Variants in LMNA observed in about 807,000 individuals in gnomAD.
LMNA encodes lamin.
Under a neutral mutation model 70.4 loss-of-function variants are expected in LMNA, and 20 were observed. The observed-to-expected ratio is 0.28, with a 90% confidence interval of 0.20 to 0.41. LMNA has a LOEUF of 0.41. Among genes scored for constraint, LMNA ranks in the 10% least tolerant of loss-of-function variants. The probability of loss-of-function intolerance (pLI) is 1.00; values close to 1 mark genes in which losing one functional copy is unlikely to be tolerated. For synonymous variants in LMNA, 339 were observed against 372.8 expected (o/e 0.91, Z 1.04); for missense variants, 652 against 917.2 (o/e 0.71, Z 3.73).
rs1572365335 is a variant in LMNA at position 156,136,855 on chromosome 1, G to C, written c.1381-66G>C. On this transcript the variant is annotated intron_variant, in intron 7 of 11. Transcript: ENST00000368300. This position sits in a 1 kb window ranked among gnomAD's most constrained non-coding sequence, Gnocchi z 6.1. ...CAGGCAGGCAGAGGGCTGGGCCTTT[G>C]AGCAAGATACACCCAAGAGCCTGGG... The C allele has an allele frequency of 2.9e-6, 4 of 1,384,162 alleles. No individual in the cohort carries two copies. The highest frequency in any genetic ancestry group is 4.0e-6 in the Non-Finnish European group (4 of 991,306). The allele number at this position is 1,384,162 out of a possible 1,614,324, so 85.7% of individuals were successfully genotyped here.
Position 156,135,156 on chromosome 1 carries a change from C to T in LMNA, c.811-31C>T. ...CTGTGCCTCCACCCCTCCCAGTCAC[C>T]ACAGTCCTAACCCTTTGTCCTCCCC... On this transcript the variant is annotated intron_variant, in intron 4 of 11. Coordinates refer to ENST00000368300, the MANE Select transcript of LMNA (RefSeq NM_170707.4). The surrounding 1 kb of genome is among the most constrained non-coding windows in gnomAD (Gnocchi z 4.8). 3.1e-6 allele frequency: 5 copies of T among 1,613,980 alleles called. No individual in the cohort carries two copies. The highest frequency in any genetic ancestry group is 1.6e-4 in the Middle Eastern group (1 of 6,062).
chr1:156,098,612 C>A (rs997995309), intron 3 of LMNA, among the ~76,000 whole-genome samples: 3 of 152,142 alleles, frequency 2.0e-5, no homozygotes, highest in Admixed American at 6.5e-5. Flanking sequence ...TGATCCCAGA[C>A]AAATCACTTA....
In LMNA at chr1:156,137,370, C is replaced by T. The variant is rs1022836634; in HGVS notation, c.1608+138C>T. The T allele has an allele frequency of 2.8e-5, 33 of 1,174,956 alleles. No individual in the cohort carries two copies. Among genetic ancestry groups the T allele is most frequent in the African/African-American group, 1.4e-4 (9 of 65,750 alleles). 72.8% of individuals were successfully genotyped at this position (1,174,956 alleles called of 1,614,324 possible). A position where few individuals can be genotyped will look rare whatever the true frequency, so the allele number is the denominator to read the frequency against. On this transcript the variant is annotated intron_variant, in intron 9 of 11. Transcript: ENST00000368300. The surrounding 1 kb of genome is among the most constrained non-coding windows in gnomAD (Gnocchi z 4.6). Reference sequence around the variant, plus strand: ...CTCTGTTGCAGGCTCCAGACTTCTCCACCCAGTAGGCAAACCAAAAGATGC... The same window carrying T: ...CTCTGTTGCAGGCTCCAGACTTCTCTACCCAGTAGGCAAACCAAAAGATGC...
chr1:156,137,709 A>G lies in LMNA; in HGVS notation c.1664A>G (p.Asp555Gly), dbSNP rs141578711. ...RSVTVVEDDE[D>G]EDGDDLLHHH... ...GTGACTGTGGTTGAGGACGACGAGG[A>G]TGAGGATGGAGATGACCTGCTCCAT... Residue 555 changes from aspartate to glycine, a missense_variant, in exon 10 of 12, where the codon GAT becomes GGT. Physicochemically the swap from Asp to Gly is moderately conservative, Grantham distance 94. This residue lies in a region of LMNA where 327 missense variants were observed against 387.6 expected (regional missense o/e 0.84). Transcript: ENST00000368300. This position sits in a 1 kb window ranked among gnomAD's most constrained non-coding sequence, Gnocchi z 4.6. 4.5e-6 allele frequency: 7 copies of G among 1,554,916 alleles called. No homozygotes were observed. In the African/African-American group the frequency reaches 9.5e-5, roughly 21 times the overall value.
chr1:156,097,163 G>A (rs1392666473), intron 3 of LMNA, among the ~76,000 whole-genome samples: 1 of 152,184 alleles, frequency 6.6e-6, no homozygotes, highest in Non-Finnish European at 1.5e-5. Flanking sequence ...AAGCTGCGGT[G>A]AAATCAATCA....
chr1:156,139,769 G>C lies in LMNA; in HGVS notation c.*663G>C. The C allele has an allele frequency of 2.6e-6, 4 of 1,524,764 alleles. No homozygotes were observed. Among genetic ancestry groups the C allele is most frequent in the Non-Finnish European group, 3.5e-6 (4 of 1,140,550 alleles). 94.5% of individuals were successfully genotyped at this position (1,524,764 alleles called of 1,614,324 possible). The stretch of plus-strand genomic sequence containing the variant: ...CGCTTGCTTTTCTGTATTTTATTTA[G>C]ACAAGAGATGGGAATGAGGTGGGAG... On this transcript the variant is annotated 3_prime_UTR_variant, in exon 12 of 12. Transcript: ENST00000368300.
At chr1:156,132,148 G>T (rs907819424) in intron 2 of LMNA, among the ~76,000 whole-genome samples, 12 of 152,048 alleles carry the variant, frequency 7.9e-5, no homozygotes, top group African/African-American at 2.7e-4. Context: ...TCCAGCCTGG[G>T]CAACAAGAGC....
chr1:156,105,406 C>T (rs1017587790), intron 3 of LMNA, among the ~76,000 whole-genome samples: 4 of 148,060 alleles, frequency 2.7e-5, no homozygotes, highest in Non-Finnish European at 6.0e-5. Flanking sequence ...GCCATCCCTA[C>T]TCTACTTGGC....
At position 156,134,436 on chromosome 1, in the gene LMNA, C is replaced by T. The variant is rs574749413; in HGVS notation, c.547C>T (p.Leu183Phe). 1.2e-6 allele frequency: 2 copies of T among 1,614,180 alleles called. No individual in the cohort carries two copies. Among genetic ancestry groups the T allele is most frequent in the Admixed American group, 1.7e-5 (1 of 60,014 alleles). Residue 183 changes from leucine to phenylalanine, a missense_variant, in exon 3 of 12, where the codon CTT (leucine) becomes TTT (phenylalanine). Transcript: ENST00000368300. The surrounding 1 kb of genome is among the most constrained non-coding windows in gnomAD (Gnocchi z 5.3). Reference sequence around the variant, plus strand: ...AGCCCTAGGTGAGGCCAAGAAGCAACTTCAGGATGAGATGCTGCGGCGGGT... The same window carrying T: ...AGCCCTAGGTGAGGCCAAGAAGCAATTTCAGGATGAGATGCTGCGGCGGGT... ...EAALGEAKKQ[L>F]QDEMLRRVDA... is the part of the protein sequence containing the mutation.
Position 156,136,169 on chromosome 1 carries a change from G to A in LMNA, c.1158-45G>A, listed in dbSNP as rs747873576. 1 of 1,612,976 alleles carries A rather than the reference G, an allele frequency of 6.2e-7. No individual in the cohort carries two copies. Among genetic ancestry groups the A allele is most frequent in the Non-Finnish European group, 8.5e-7 (1 of 1,179,552 alleles). ...AGGTGCTGGCAGTGTCCTCTGGCCGGCAACTGGCCTTGACTAGACCCCCAC... is the reference window on the plus strand; with the variant it reads ...AGGTGCTGGCAGTGTCCTCTGGCCGACAACTGGCCTTGACTAGACCCCCAC... On this transcript the variant is annotated intron_variant, in intron 6 of 11. Coordinates refer to ENST00000368300, the MANE Select transcript of LMNA (RefSeq NM_170707.4). The surrounding 1 kb of genome is among the most constrained non-coding windows in gnomAD (Gnocchi z 6.1).
intron 3 of LMNA, among the ~76,000 whole-genome samples, chr1:156,092,667 G>A (rs1416721983): frequency 2.0e-5 from 3 of 148,304 alleles, no homozygotes; most frequent in Admixed American, 6.7e-5. Context: ...ACAACAGAGC[G>A]AGACTCCATC....
chr1:156,092,217 C>CA (rs1362206701), intron 3 of LMNA, among the ~76,000 whole-genome samples: 1 of 151,594 alleles, frequency 6.6e-6, no homozygotes, highest in Non-Finnish European at 1.5e-5. Flanking sequence ...AGTGCCCAGC[C>CA]AAAAAAAATT....
Position 156,139,432 on chromosome 1 carries a change from A to G in LMNA, c.*326A>G. The G allele has an allele frequency of 7.4e-7, 1 of 1,347,558 alleles. No individual in the cohort carries two copies. The highest frequency in any genetic ancestry group is 3.1e-5 in the East Asian group (1 of 32,074). 83.5% of individuals were successfully genotyped at this position (1,347,558 alleles called of 1,614,324 possible). A position where few individuals can be genotyped will look rare whatever the true frequency, so the allele number is the denominator to read the frequency against. On this transcript the variant is annotated 3_prime_UTR_variant, in exon 12 of 12. Coordinates refer to ENST00000368300, the MANE Select transcript of LMNA (RefSeq NM_170707.4). Reference sequence around the variant, plus strand: ...GGGCTTCCTCTAGAAGCCAAGGGAAAGGGGTGCTTTTATAGAGGCTAGCTT... The same window carrying G: ...GGGCTTCCTCTAGAAGCCAAGGGAAGGGGGTGCTTTTATAGAGGCTAGCTT...
intron 1 of LMNA, among the ~76,000 whole-genome samples, chr1:156,127,685 A>C (rs945817356): frequency 1.5e-5 from 2 of 130,528 alleles, no homozygotes; most frequent in African/African-American, 6.3e-5. Context: ...TACCCAGCTA[A>C]ATTTTTTTTT....
chr1:156,092,225 A>T (rs539069850), intron 3 of LMNA, among the ~76,000 whole-genome samples: 7 of 151,954 alleles, frequency 4.6e-5, no homozygotes, highest in African/African-American at 7.2e-5. Flanking sequence ...GCCAAAAAAA[A>T]TTTTTTTTAA....
At position 156,138,991 on chromosome 1, in the gene LMNA, G is replaced by A. The variant is rs1262697286; in HGVS notation, c.1969-89G>A. The stretch of plus-strand genomic sequence containing the variant: ...GGGCTGGAGTGTGAGGGATGGGGGA[G>A]ATGCTACCTCCCTTCTAGGGGCCAG... On this transcript the variant is annotated intron_variant, in intron 11 of 11. Transcript: ENST00000368300. The surrounding 1 kb of genome is among the most constrained non-coding windows in gnomAD (Gnocchi z 5.5). The A allele has an allele frequency of 2.8e-6, 4 of 1,453,022 alleles. No homozygotes were observed. The South Asian group carries it at 4.6e-5, about 17-fold the overall frequency. 90.0% of individuals were successfully genotyped at this position (1,453,022 alleles called of 1,614,324 possible). A position where few individuals can be genotyped will look rare whatever the true frequency, so the allele number is the denominator to read the frequency against.
chr1:156,117,821 A>G (rs1316234190), intron 1 of LMNA, among the ~76,000 whole-genome samples: 1 of 151,978 alleles, frequency 6.6e-6, no homozygotes, highest in Non-Finnish European at 1.5e-5. Flanking sequence ...TTTTTCAGAG[A>G]CAGGGCCTTG....
At chr1:156,110,014 AT>A (rs528132160), upstream of LMNA, among the ~76,000 whole-genome samples, 6 of 148,976 alleles carry the variant, frequency 4.0e-5, no homozygotes, top group African/African-American at 4.9e-5. Flanking sequence ...CCCCCAGCTA[AT>A]TTTTTTTTTA....
In LMNA at chr1:156,139,285, C is replaced by CCTG; in HGVS notation, c.*179_*180insCTG. On this transcript the variant is annotated 3_prime_UTR_variant, in exon 12 of 12. Coordinates refer to ENST00000368300, the MANE Select transcript of LMNA (RefSeq NM_170707.4). ...AGTTATTTTCTACAGTGGTTTTATA[C>CCTG]TGAAGGAAAAACACAAGCAAAAAAA... 7.1e-7 allele frequency: 1 copy of CCTG among 1,413,730 alleles called. No homozygotes were observed. Among genetic ancestry groups the CCTG allele is most frequent in the Non-Finnish European group, 9.2e-7 (1 of 1,089,872 alleles). The allele number at this position is 1,413,730 out of a possible 1,614,324, so 87.6% of individuals were successfully genotyped here. A position where few individuals can be genotyped will look rare whatever the true frequency, so the allele number is the denominator to read the frequency against.
Sources: gnomAD v4.1 joint callset for allele counts (sites outside exome capture counted in the v4.1 genomes callset) on GRCh38, gnomAD v4.1.1 for gene constraint, gnomAD v4.1.1 regional missense constraint, Gnocchi (gnomAD v3.1) non-coding constraint, MANE v1.5 for transcripts, NCBI Gene and HGNC (gene_info 2026-07-23, HGNC 2026-07-21) for gene names.